MYO5B: variants seen among roughly 807,000 people sequenced by gnomAD.
The protein encoded by MYO5B is unconventional myosin-Vb.
MYO5B carries 143 observed loss-of-function variants against 229.3 expected under a neutral mutation model. The observed-to-expected ratio is 0.62, with a 90% CI of 0.54 to 0.72. The LOEUF (loss-of-function observed/expected upper bound fraction) is 0.72, where lower values mean the gene tolerates loss of function less well. Ranked by LOEUF, MYO5B falls within the 30% of genes least tolerant of loss-of-function variation. The pLI is 0.00. For synonymous variants in MYO5B, 918 were observed against 885.2 expected, an observed-to-expected ratio of 1.04 and a Z score of -0.66; for missense variants, 2,321 against 2,331.0, an observed-to-expected ratio of 1.00 and a Z score of 0.09.
At chr18:49,925,337 C>T (rs7231481) in intron 17 of MYO5B, among the ~76,000 whole-genome samples, 1 of 152,196 alleles carries the variant, frequency 6.6e-6, no homozygotes, top group African/African-American at 2.4e-5. Context: ...CCGGTTGTCC[C>T]ACTTGTCTGA....
intron 1 of MYO5B, among the ~76,000 whole-genome samples, chr18:50,130,430 C>T (rs997640035): frequency 6.6e-6 from 1 of 152,196 alleles, no homozygotes; most frequent in Non-Finnish European, 1.5e-5. Flanking sequence ...AGAAGGAAAC[C>T]TGTACAACCT....
chr18:50,061,197 A>G (rs2030678228), intron 1 of MYO5B, among the ~76,000 whole-genome samples: 1 of 152,216 alleles, frequency 6.6e-6, no homozygotes, highest in Non-Finnish European at 1.5e-5. Context: ...AGCTTCGGAG[A>G]GGAATTCTAA....
At chr18:49,949,748 A>G (rs182680691) in intron 14 of MYO5B, among the ~76,000 whole-genome samples, 76 of 152,378 alleles carry the variant, frequency 5.0e-4, no homozygotes, top group African/African-American at 1.7e-3. Context: ...AGCTGTGCTA[A>G]ATGAAAACCA....
chr18:50,085,122 C>G (rs1448662919), intron 1 of MYO5B, among the ~76,000 whole-genome samples: 1 of 152,140 alleles, frequency 6.6e-6, no homozygotes, highest in East Asian at 1.9e-4. Flanking sequence ...TTGGAGTGAA[C>G]AGGCAACCTA....
rs1402535577 is a variant in MYO5B at position 50,001,423 on chromosome 18, A to C, written c.456-12T>G. 13 of 1,613,938 alleles carry C rather than the reference A, an allele frequency of 8.1e-6. No homozygotes were observed. Among genetic ancestry groups the C allele is most frequent in the Non-Finnish European group, 1.1e-5 (13 of 1,179,966 alleles). On this transcript the variant is annotated splice_polypyrimidine_tract_variant and intron_variant, in intron 4 of 39. Coordinates refer to ENST00000285039, the MANE Select transcript of MYO5B (RefSeq NM_001080467.3). The stretch of plus-strand genomic sequence containing the variant: ...GATTCTTCTCATCTCTGGAAGGAAA[A>C]AAGCTCTGATAAGTCATTGGCCATG...
chr18:49,848,368 G>A (rs1235251228), intron 32 of MYO5B, among the ~76,000 whole-genome samples: 1 of 152,130 alleles, frequency 6.6e-6, no homozygotes, highest in Non-Finnish European at 1.5e-5. Flanking sequence ...TGAAGGGCGG[G>A]TGGGACTCTT....
chr18:49,865,232 C>G (rs2024382660), intron 27 of MYO5B, among the ~76,000 whole-genome samples: 1 of 152,140 alleles, frequency 6.6e-6, no homozygotes, highest in Non-Finnish European at 1.5e-5. Context: ...AGTGAGGAAG[C>G]TGAGCCCAGG....
chr18:49,896,073 G>A (rs1421018692), intron 21 of MYO5B, among the ~76,000 whole-genome samples: 2 of 152,196 alleles, frequency 1.3e-5, no homozygotes, highest in African/African-American at 4.8e-5. Flanking sequence ...CCAAATCACC[G>A]ATAAGCTGGA....
chr18:50,089,859 C>A (rs188547662), intron 1 of MYO5B, among the ~76,000 whole-genome samples: 1 of 152,160 alleles, frequency 6.6e-6, no homozygotes, highest in South Asian at 2.1e-4. Flanking sequence ...CCCCGCATAA[C>A]CCCACATGTG....
chr18:50,171,541 C>G lies in MYO5B; in HGVS notation c.27+23226G>C, dbSNP rs1358660570. On this transcript the variant is annotated intron_variant, in intron 1 of 39. Coordinates refer to ENST00000285039, the MANE Select transcript of MYO5B (RefSeq NM_001080467.3). ...GAGTGGGCTGATTCTGCTGGGGAAACAGTGGATCATACAAGGCAATAATTA... is the reference window on the plus strand; with the variant it reads ...GAGTGGGCTGATTCTGCTGGGGAAAGAGTGGATCATACAAGGCAATAATTA... 1.6e-5 allele frequency among the ~76,000 whole-genome samples: 2 copies of G among 127,718 alleles called. 1 individual carries two copies. The highest frequency in any genetic ancestry group is 6.0e-5 in the African/African-American group (2 of 33,528). The allele number at this position is 127,718 out of a possible 152,430, so 83.8% of individuals were successfully genotyped here.
chr18:50,194,848 G>C lies in MYO5B; in HGVS notation c.-55C>G. 2 of 1,264,236 alleles carry C rather than the reference G, an allele frequency of 1.6e-6. No homozygotes were observed. Among genetic ancestry groups the C allele is most frequent in the Non-Finnish European group, 9.9e-7 (1 of 1,009,992 alleles). The allele number at this position is 1,264,236 out of a possible 1,614,324, so 78.3% of individuals were successfully genotyped here. Reference sequence around the variant, plus strand: ...GCTCCTGGCTGCCCCGCGGCTCTCAGTCCGCGGCTGGCCCGCCTGGCGCCA... The same window carrying C: ...GCTCCTGGCTGCCCCGCGGCTCTCACTCCGCGGCTGGCCCGCCTGGCGCCA... On this transcript the variant is annotated 5_prime_UTR_variant, in exon 1 of 40. Coordinates refer to ENST00000285039, the MANE Select transcript of MYO5B (RefSeq NM_001080467.3).
intron 3 of MYO5B, among the ~76,000 whole-genome samples, chr18:50,037,736 C>A (rs1568080725): frequency 6.6e-6 from 1 of 151,982 alleles, no homozygotes; most frequent in African/African-American, 2.4e-5. Context: ...CTCTTCTCTA[C>A]AAAAAAAGTA....
intron 4 of MYO5B, among the ~76,000 whole-genome samples, chr18:50,029,840 C>T (rs2026368917): frequency 1.3e-5 from 2 of 152,154 alleles, no homozygotes; most frequent in Admixed American, 1.3e-4. Flanking sequence ...CAGACCCTTG[C>T]ATACTCCTGC....
intron 4 of MYO5B, among the ~76,000 whole-genome samples, chr18:50,005,507 C>G (rs1483897036): frequency 1.3e-5 from 2 of 152,210 alleles, no homozygotes; most frequent in African/African-American, 4.8e-5. Context: ...ACCTCCTGGG[C>G]TCAGGCGATC....
At chr18:50,086,337 G>T (rs946502825) in intron 1 of MYO5B, among the ~76,000 whole-genome samples, 1 of 152,120 alleles carries the variant, frequency 6.6e-6, no homozygotes, top group East Asian at 1.9e-4. Flanking sequence ...AGATACACCT[G>T]TAAATATGTA....
At chr18:49,837,895 AATG>A in intron 36 of MYO5B, 93 bp from the exon 37 acceptor site, 1 of 1,487,466 alleles carries the variant, frequency 6.7e-7, no homozygotes, top group Non-Finnish European at 9.3e-7. Flanking sequence ...GGGCTTTAGC[AATG>A]ATACCATCCA....
At chr18:49,943,727 T>C (rs1026465399) in intron 14 of MYO5B, among the ~76,000 whole-genome samples, 20 of 152,248 alleles carry the variant, frequency 1.3e-4, no homozygotes, top group African/African-American at 4.1e-4. Context: ...TAGCCTCTTC[T>C]ATATCATGGA....
chr18:50,006,077 C>T (rs1376789243), intron 4 of MYO5B, among the ~76,000 whole-genome samples: 1 of 152,210 alleles, frequency 6.6e-6, no homozygotes, highest in Non-Finnish European at 1.5e-5. Flanking sequence ...ATCTTTTCAT[C>T]TCTAAAGTAA....
rs754308783 is a variant in MYO5B at position 49,962,435 on chromosome 18, G to A, written c.1405-29C>T. ...GGGCAAGTAAAAAGGTCACACGAGT[G>A]AACTGCAGGCACACCTTAACATTCA... On this transcript the variant is annotated intron_variant, in intron 11 of 39. Transcript: ENST00000285039. 1.7e-5 allele frequency: 28 copies of A among 1,613,862 alleles called. 1 individual carries two copies. The South Asian group carries it at 3.0e-4, about 17-fold the overall frequency.
Sources: allele counts gnomAD v4.1 joint callset (sites outside exome capture counted in the v4.1 genomes callset), GRCh38; gene constraint gnomAD v4.1.1; transcripts MANE v1.5; gene names NCBI Gene and HGNC (gene_info 2026-07-23, HGNC 2026-07-21).